PSTPIP2: variants seen among roughly 807,000 people sequenced by gnomAD.
The protein encoded by PSTPIP2 is proline-serine-threonine phosphatase interacting protein 2.
PSTPIP2 carries 33 observed loss-of-function variants against 63.3 expected under a neutral mutation model. The ratio of observed to expected loss-of-function variants is 0.52; its 90% CI spans 0.40 to 0.70. The LOEUF (loss-of-function observed/expected upper bound fraction) is 0.70, where lower values mean the gene tolerates loss of function less well. Ranked by LOEUF, PSTPIP2 falls within the 30% of genes least tolerant of loss-of-function variation. The pLI is 0.00. For synonymous variants in PSTPIP2, 125 were observed against 132.7 expected (o/e 0.94, Z 0.40); for missense variants, 312 against 400.7 (o/e 0.78, Z 1.89).
intron 3 of PSTPIP2, among the ~76,000 whole-genome samples, chr18:46,020,234 G>C (rs1907294883): frequency 6.6e-6 from 1 of 152,142 alleles, no homozygotes; most frequent in African/African-American, 2.4e-5. Context: ...CCTCACTGTG[G>C]AAAAGGAAAC....
At chr18:46,017,204 C>T (rs1322412218) in intron 3 of PSTPIP2, among the ~76,000 whole-genome samples, 1 of 152,054 alleles carries the variant, frequency 6.6e-6, no homozygotes, top group Non-Finnish European at 1.5e-5. Context: ...TATTTCCTCT[C>T]AGTATTTTAA....
chr18:46,008,176 T>C (rs2144078851), intron 5 of PSTPIP2, among the ~76,000 whole-genome samples: 1 of 152,148 alleles, frequency 6.6e-6, no homozygotes, highest in South Asian at 2.1e-4. Context: ...ATCTCTGCCA[T>C]AGGGTGGGGA....
In PSTPIP2 at chr18:45,988,713, C is replaced by A. The variant is rs2051492942; in HGVS notation, c.1002G>T (p.Gln334His). ...ATAAAGGTTCTTACCATTGATTTTA[C>A]TGATAGAGCAAACTGTAGTCATCAA... Reference protein sequence around the residue: ...SLVDDYSLLYQ With the variant: ...SLVDDYSLLYH Residue 334 changes from glutamine (Q) to histidine (H), a missense_variant, in exon 14 of 15, where the codon CAG becomes CAT. Gln to His is a conservative substitution (Grantham distance 24). Transcript: ENST00000409746. 6.4e-7 allele frequency: 1 copy of A among 1,554,122 alleles called. No individual in the cohort carries two copies. Among genetic ancestry groups the A allele is most frequent in the African/African-American group, 1.4e-5 (1 of 73,272 alleles).
At chr18:46,000,873 T>C (rs371348524) in intron 6 of PSTPIP2, among the ~76,000 whole-genome samples, 19 of 145,710 alleles carry the variant, frequency 1.3e-4, no homozygotes, top group African/African-American at 4.2e-4. Context: ...TTCCAGGAAG[T>C]GGGAAGAAAA....
At chr18:46,056,753 T>C (rs1444014165) in intron 1 of PSTPIP2, among the ~76,000 whole-genome samples, 1 of 152,026 alleles carries the variant, frequency 6.6e-6, no homozygotes, top group African/African-American at 2.4e-5. Context: ...TGATATTTTG[T>C]TCCTGGAAGG....
chr18:46,009,357 T>G (rs2051767762), intron 5 of PSTPIP2, among the ~76,000 whole-genome samples: 1 of 114,340 alleles, frequency 8.7e-6, no homozygotes, highest in Non-Finnish European at 1.7e-5. Context: ...CAAAGTTTTA[T>G]GGTGTAAAAA....
chr18:46,001,487 ATT>A (rs2051666223), intron 6 of PSTPIP2, among the ~76,000 whole-genome samples: 1 of 151,594 alleles, frequency 6.6e-6, no homozygotes, highest in Non-Finnish European at 1.5e-5. Flanking sequence ...TTCCTTGTGT[ATT>A]TTGGATATTA....
chr18:45,988,550 G>A (rs1267917314), intron 14 of PSTPIP2, 152 bp downstream of exon 14: 2 of 616,596 alleles, frequency 3.2e-6, no homozygotes, highest in Admixed American at 5.8e-5. Flanking sequence ...ATCCACAGAG[G>A]TGTCCTGAAG....
intron 3 of PSTPIP2, among the ~76,000 whole-genome samples, chr18:46,018,005 A>C (rs1252746556): frequency 6.6e-6 from 1 of 152,110 alleles, no homozygotes; most frequent in Non-Finnish European, 1.5e-5. Flanking sequence ...CATCTACTGA[A>C]TTTTTATTTT....
At chr18:46,051,645 A>G (rs961681054) in intron 1 of PSTPIP2, among the ~76,000 whole-genome samples, 5 of 152,206 alleles carry the variant, frequency 3.3e-5, no homozygotes, top group Admixed American at 2.6e-4. Flanking sequence ...GACATTACCC[A>G]TCTAAACATC....
chr18:45,992,180 C>T lies in PSTPIP2; in HGVS notation c.764G>A (p.Ser255Asn). 2 of 1,599,696 alleles carry T rather than the reference C, an allele frequency of 1.3e-6. No homozygotes were observed. Among genetic ancestry groups the T allele is most frequent in the Non-Finnish European group, 1.7e-6 (2 of 1,172,900 alleles). ...SDEMYEQVRKSLEMCSIQRDI... is the reference protein window; with the variant it reads ...SDEMYEQVRKNLEMCSIQRDI... ...CCTCTGAATGCTGCACATTTCTAAACTCTTTCGGACTTGTTCGTACATCTA... is the reference window on the plus strand; with the variant it reads ...CCTCTGAATGCTGCACATTTCTAAATTCTTTCGGACTTGTTCGTACATCTA... Residue 255 changes from serine to asparagine, a missense_variant, in exon 11 of 15, where the codon AGT (serine) becomes AAT (asparagine). Physicochemically the swap from Ser to Asn is conservative, Grantham distance 46 (BLOSUM62 1). Coordinates refer to ENST00000409746, the MANE Select transcript of PSTPIP2 (RefSeq NM_024430.4).
At chr18:46,062,479 A>G (rs12968210) in intron 1 of PSTPIP2, among the ~76,000 whole-genome samples, 25 of 23,756 alleles carry the variant, frequency 1.1e-3, no homozygotes, top group South Asian at 5.4e-3. Flanking sequence ...CATCTCTACT[A>G]AAAAGAAAAA....
At chr18:46,071,191 G>A (rs1909379362) in intron 1 of PSTPIP2, among the ~76,000 whole-genome samples, 1 of 152,178 alleles carries the variant, frequency 6.6e-6, no homozygotes, top group South Asian at 2.1e-4. Context: ...GTGGGGTAGA[G>A]GGACCATCTA....
chr18:46,001,604 C>T (rs2144071519), intron 6 of PSTPIP2, among the ~76,000 whole-genome samples: 1 of 152,258 alleles, frequency 6.6e-6, no homozygotes, highest in Non-Finnish European at 1.5e-5. Flanking sequence ...TAACCATCAC[C>T]ACCATCCATC....
intron 1 of PSTPIP2, among the ~76,000 whole-genome samples, chr18:46,063,614 TACAC>T (rs34948592): frequency 3.6e-3 from 534 of 148,128 alleles, no homozygotes; most frequent in Non-Finnish European, 4.6e-3. Flanking sequence ...ACATGTGAAT[TACAC>T]ACACACACAC....
At chr18:46,051,798 A>C (rs1282247937) in intron 1 of PSTPIP2, among the ~76,000 whole-genome samples, 1 of 152,250 alleles carries the variant, frequency 6.6e-6, no homozygotes, top group African/African-American at 2.4e-5. Flanking sequence ...TGTATTACTG[A>C]AGTTAATGTT....
At chr18:45,995,118 A>ATTTTG (rs1177294413) in intron 9 of PSTPIP2, among the ~76,000 whole-genome samples, 1 of 151,664 alleles carries the variant, frequency 6.6e-6, no homozygotes, top group Admixed American at 6.6e-5. Context: ...GGGGGGTTTT[A>ATTTTG]TTTTGTTTTG....
intron 1 of PSTPIP2, among the ~76,000 whole-genome samples, chr18:46,062,222 T>A (rs980070585): frequency 1.3e-5 from 2 of 152,086 alleles, no homozygotes; most frequent in African/African-American, 4.8e-5. Flanking sequence ...TGCCACACCA[T>A]CCCCTCCCTG....
chr18:46,015,782 G>A, intron 4 of PSTPIP2, 121 bp downstream of exon 4: 1 of 1,085,934 alleles, frequency 9.2e-7, no homozygotes, highest in Non-Finnish European at 1.3e-6. Flanking sequence ...CACCTTAGGA[G>A]TTGCTCTAAT....
Sources: gnomAD v4.1 joint callset for allele counts (sites outside exome capture counted in the v4.1 genomes callset) on GRCh38, gnomAD v4.1.1 for gene constraint, MANE v1.5 for transcripts, NCBI Gene and HGNC (gene_info 2026-07-23, HGNC 2026-07-21) for gene names.